Variants in MICU1 observed in about 807,000 individuals in gnomAD.
MICU1 encodes calcium uptake protein 1, mitochondrial.
MICU1 carries 45 observed loss-of-function variants against 56.8 expected under a neutral mutation model. The ratio of observed to expected loss-of-function variants is 0.79; its 90% CI spans 0.62 to 1.02. MICU1 has a LOEUF of 1.02. Among genes scored for constraint, MICU1 ranks in the 50% least tolerant of loss-of-function variants. MICU1 has a pLI of 0.00. For missense variants in MICU1, 504 were observed against 587.1 expected (o/e 0.86, Z 1.46); for synonymous variants, 186 against 195.1 (o/e 0.95, Z 0.39).
chr10:72,438,935 GACCAGA>G (rs1864826168), intron 8 of MICU1, among the ~76,000 whole-genome samples: 1 of 152,116 alleles, frequency 6.6e-6, no homozygotes, highest in South Asian at 2.1e-4. Context: ...AAAAGTCCAG[GACCAGA>G]CGGATTCACA....
chr10:72,611,546 G>A (rs1414127008), intron 1 of MICU1, among the ~76,000 whole-genome samples: 2 of 151,702 alleles, frequency 1.3e-5, no homozygotes, highest in Non-Finnish European at 2.9e-5. Flanking sequence ...GCTTGAACCC[G>A]GGCGGCAGAG....
chr10:72,532,065 C>T (rs1839501972), intron 5 of MICU1, among the ~76,000 whole-genome samples: 1 of 151,878 alleles, frequency 6.6e-6, no homozygotes, highest in Admixed American at 6.6e-5. Context: ...CGCCTGTAAT[C>T]ACAGCACTTT....
Position 72,477,218 on chromosome 10 carries a change from C to T in MICU1, c.691G>A (p.Asp231Asn). 6.5e-7 allele frequency: 1 copy of T among 1,549,346 alleles called. No individual in the cohort carries two copies. The highest frequency in any genetic ancestry group is 8.7e-7 in the Non-Finnish European group (1 of 1,146,634). ...TCTACTTCTCCATCTCCATTCAAAT[C>T]AAACATCTTGAAGGCAATTTCAAAA... Reference protein sequence around the residue: ...RNFEIAFKMFDLNGDGEVDME... With the variant: ...RNFEIAFKMFNLNGDGEVDME... Residue 231 changes from aspartate to asparagine, a missense_variant, in exon 7 of 12, where the codon GAT (aspartate) becomes AAT (asparagine). By Grantham distance (23) the Asp-to-Asn change is conservative. Coordinates refer to ENST00000361114, the MANE Select transcript of MICU1 (RefSeq NM_001195518.2).
At chr10:72,521,631 T>C (rs1326333898) in intron 5 of MICU1, among the ~76,000 whole-genome samples, 1 of 152,038 alleles carries the variant, frequency 6.6e-6, no homozygotes, top group Admixed American at 6.6e-5. Flanking sequence ...AAGGTGACAA[T>C]ACTATTAAGT....
At chr10:72,420,881 G>A (rs1422023706) in intron 9 of MICU1, among the ~76,000 whole-genome samples, 4 of 150,028 alleles carry the variant, frequency 2.7e-5, no homozygotes, top group Non-Finnish European at 5.9e-5. Context: ...TCGCCACTTT[G>A]CCCAAGCTGG....
intron 2 of MICU1, among the ~76,000 whole-genome samples, chr10:72,565,290 C>G (rs2132472206): frequency 6.6e-6 from 1 of 151,996 alleles, no homozygotes; most frequent in South Asian, 2.1e-4. Context: ...ACATATACAC[C>G]ATGGAATACT....
intron 1 of MICU1, among the ~76,000 whole-genome samples, chr10:72,612,379 G>A (rs1841874542): frequency 6.6e-6 from 1 of 152,106 alleles, no homozygotes; most frequent in Admixed American, 6.6e-5. Flanking sequence ...AAAACATGCA[G>A]TCGAAAAGGA....
intron 6 of MICU1, among the ~76,000 whole-genome samples, chr10:72,493,523 G>C (rs1564900524): frequency 6.6e-6 from 1 of 152,146 alleles, no homozygotes; most frequent in Non-Finnish European, 1.5e-5. Flanking sequence ...CACAATCACA[G>C]CTTATCAAAG....
rs949856675 is a variant in MICU1 at position 72,602,163 on chromosome 10, T to C, written c.-2+23847A>G. On this transcript the variant is annotated intron_variant, in intron 1 of 11. Coordinates refer to ENST00000361114, the MANE Select transcript of MICU1 (RefSeq NM_001195518.2). The stretch of plus-strand genomic sequence containing the variant: ...AGCTGTTATTAGGATGAGTTAATCA[T>C]ACAACAGGCCAGGCACGGTGGCTCT... 2.6e-5 allele frequency among the ~76,000 whole-genome samples: 4 copies of C among 151,362 alleles called. No homozygotes were observed. In the Admixed American group the frequency reaches 2.7e-4, roughly 10 times the overall value.
At chr10:72,369,969 T>TC (rs71018276) in intron 11 of MICU1, among the ~76,000 whole-genome samples, 152,121 of 152,128 alleles carry the variant, frequency 1, 76,057 homozygotes, top group Non-Finnish European at 1. Flanking sequence ...CAAGTACCCC[T>TC]CCAGGTTCAT....
At chr10:72,614,986 C>G (rs535699124) in intron 1 of MICU1, among the ~76,000 whole-genome samples, 22 of 152,208 alleles carry the variant, frequency 1.4e-4, no homozygotes, top group Non-Finnish European at 2.9e-4. Context: ...GTGGCATATA[C>G]ATTCACCATG....
chr10:72,496,123 C>T (rs927573662), intron 6 of MICU1, among the ~76,000 whole-genome samples: 5 of 152,090 alleles, frequency 3.3e-5, no homozygotes, highest in Admixed American at 2.6e-4. Context: ...CACAACACCA[C>T]ACCAGGCTTA....
At chr10:72,576,431 G>C (rs1271089329) in intron 1 of MICU1, among the ~76,000 whole-genome samples, 1 of 152,142 alleles carries the variant, frequency 6.6e-6, no homozygotes, top group East Asian at 1.9e-4. Flanking sequence ...AGATTTTAGT[G>C]GTCTAGACAG....
At chr10:72,558,898 G>A (rs1397173773) in intron 3 of MICU1, among the ~76,000 whole-genome samples, 2 of 152,222 alleles carry the variant, frequency 1.3e-5, no homozygotes, top group Admixed American at 6.5e-5. Flanking sequence ...ATGCATGCCT[G>A]TAGTCCTGGC....
At chr10:72,523,835 G>A (rs760765119) in intron 5 of MICU1, 18 of 1,527,430 alleles carry the variant, frequency 1.2e-5, no homozygotes, top group South Asian at 6.1e-5. Flanking sequence ...TCCTTGGCCC[G>A]TCTGTAAGTA....
At chr10:72,578,142 C>A (rs1251542489) in intron 1 of MICU1, among the ~76,000 whole-genome samples, 1 of 152,142 alleles carries the variant, frequency 6.6e-6, no homozygotes, top group East Asian at 1.9e-4. Context: ...GCCACAGCCA[C>A]CCCAGTCTTC....
intron 2 of MICU1, among the ~76,000 whole-genome samples, chr10:72,564,282 T>C (rs1840370139): frequency 6.6e-6 from 1 of 152,196 alleles, no homozygotes; most frequent in African/African-American, 2.4e-5. Context: ...GACTCACACC[T>C]GTAATCCCAG....
rs980984800 is a variant in MICU1, at chr10:72,508,335, G to T, written c.538-66C>A. The T allele has an allele frequency of 8.5e-5, 53 of 620,396 alleles. 1 individual carries two copies. Among genetic ancestry groups the T allele is most frequent in the Non-Finnish European group, 1.4e-4 (52 of 368,534 alleles). 38.4% of individuals were successfully genotyped at this position (620,396 alleles called of 1,614,324 possible). A position where few individuals can be genotyped will look rare whatever the true frequency, so the allele number is the denominator to read the frequency against. On this transcript the variant is annotated intron_variant, in intron 5 of 11. Transcript: ENST00000361114. ...AAGTGAATTAGAATATAAATAGTAA[G>T]AGATGAATCACCATTTATCTGACAG...
chr10:72,592,464 T>C (rs1261232350), intron 1 of MICU1, among the ~76,000 whole-genome samples: 1 of 152,120 alleles, frequency 6.6e-6, no homozygotes, highest in African/African-American at 2.4e-5. Flanking sequence ...AGGAAACACT[T>C]CCTAACTCAT....
Sources: allele counts gnomAD v4.1 joint callset (sites outside exome capture counted in the v4.1 genomes callset), GRCh38; gene constraint gnomAD v4.1.1; transcripts MANE v1.5; gene names NCBI Gene and HGNC (gene_info 2026-07-23, HGNC 2026-07-21).